TOX3: variants seen among roughly 807,000 people sequenced by gnomAD.
TOX3 encodes TOX high mobility group box family member 3.
Under a neutral mutation model 64.3 loss-of-function variants are expected in TOX3, and 22 were observed. That is an observed-to-expected ratio of 0.34 (90% CI 0.24 to 0.49). TOX3 has a LOEUF of 0.49. TOX3 is among the 20% of genes least tolerant of loss of function. The pLI is 0.99. For missense variants in TOX3, 661 were observed against 714.4 expected, an observed-to-expected ratio of 0.93 and a Z score of 0.85; for synonymous variants, 291 against 273.6, an observed-to-expected ratio of 1.06 and a Z score of -0.63.
chr16:52,515,039 G>A (rs925359631), intron 1 of TOX3, among the ~76,000 whole-genome samples: 119 of 61,052 alleles, frequency 1.9e-3, no homozygotes, highest in Non-Finnish European at 2.4e-3. Context: ...AAAAAAAAAA[G>A]GACCCAAGAG....
rs772527716 is a variant in TOX3 at position 52,439,588 on chromosome 16, C to G, written c.1368G>C (p.Met456Ile). 5.0e-6 allele frequency: 8 copies of G among 1,591,538 alleles called. No homozygotes were observed. Among genetic ancestry groups the G allele is most frequent in the Middle Eastern group, 1.7e-4 (1 of 5,984 alleles). ...QQQQQQQQQQ[M>I]QQMQQQQLQQ... ...GGAGTTGCTGCTGCTGCATCTGTTG[C>G]ATCTGTTGTTGTTGCTGCTGCTGCT... The change falls in exon 7 of 7, where the codon ATG becomes ATC. Residue 456 changes from methionine (M) to isoleucine (I), a missense_variant. Physicochemically the swap from Met to Ile is conservative, Grantham distance 10. Around this residue, in one of 3 missense-constraint regions of TOX3, gnomAD observed 299 missense variants for 292.1 expected, o/e 1.02. Coordinates refer to ENST00000219746, the MANE Select transcript of TOX3 (RefSeq NM_001080430.4).
intron 1 of TOX3, among the ~76,000 whole-genome samples, chr16:52,545,496 A>G (rs902404297): frequency 6.6e-6 from 1 of 152,204 alleles, no homozygotes; most frequent in Non-Finnish European, 1.5e-5. Context: ...TCTAGATGCA[A>G]TTCCTCCTCT....
At chr16:52,539,521 C>T (rs747776914) in intron 1 of TOX3, among the ~76,000 whole-genome samples, 1 of 152,180 alleles carries the variant, frequency 6.6e-6, no homozygotes, top group South Asian at 2.1e-4. Flanking sequence ...TAAATTACTG[C>T]CTCACTGACT....
intron 1 of TOX3, among the ~76,000 whole-genome samples, chr16:52,495,130 G>A (rs1335383288): frequency 6.6e-6 from 1 of 152,078 alleles, no homozygotes; most frequent in Non-Finnish European, 1.5e-5. Context: ...TGCTAAACTT[G>A]CAGAATTGTT....
intron 1 of TOX3, among the ~76,000 whole-genome samples, chr16:52,540,305 G>T (rs533210423): frequency 6.7e-6 from 1 of 150,342 alleles, no homozygotes; most frequent in East Asian, 2.0e-4. Flanking sequence ...TGGGACCACA[G>T]GTATGTGTGC....
intron 4 of TOX3, among the ~76,000 whole-genome samples, chr16:52,449,982 C>T (rs1316598325): frequency 6.6e-6 from 1 of 152,222 alleles, no homozygotes. Context: ...AAATTTGTAG[C>T]AGGGAGTCCA....
chr16:52,486,512 C>T (rs1482598506), intron 1 of TOX3, among the ~76,000 whole-genome samples: 2 of 152,086 alleles, frequency 1.3e-5, no homozygotes, highest in South Asian at 2.1e-4. Context: ...ACAGGACGAA[C>T]ATGCATGTAC....
chr16:52,482,760 C>A (rs1961402476), intron 1 of TOX3, among the ~76,000 whole-genome samples: 1 of 152,152 alleles, frequency 6.6e-6, no homozygotes, highest in Non-Finnish European at 1.5e-5. Flanking sequence ...ACCATACACA[C>A]TGACTCCATT....
At chr16:52,547,659 AC>A (rs1165838456), upstream of TOX3, 3 of 151,944 alleles carry the variant, frequency 2.0e-5, no homozygotes, top group Admixed American at 6.6e-5. Flanking sequence ...CCTAACCCAG[AC>A]GCCAACCTGC....
At chr16:52,537,701 C>T (rs753668863) in intron 1 of TOX3, among the ~76,000 whole-genome samples, 13 of 152,024 alleles carry the variant, frequency 8.6e-5, no homozygotes, top group African/African-American at 2.4e-4. Context: ...GGTATGCCTA[C>T]GTGGCTACGA....
intron 1 of TOX3, among the ~76,000 whole-genome samples, chr16:52,478,864 G>A (rs1397683308): frequency 6.6e-6 from 1 of 152,176 alleles, no homozygotes; most frequent in Non-Finnish European, 1.5e-5. Flanking sequence ...CATACAGAGA[G>A]GCACTTGATA....
chr16:52,540,115 A>G (rs1963043812), intron 1 of TOX3, among the ~76,000 whole-genome samples: 1 of 152,072 alleles, frequency 6.6e-6, no homozygotes, highest in African/African-American at 2.4e-5. Flanking sequence ...GCAGTGGTTC[A>G]CACCTGTAAT....
intron 1 of TOX3, among the ~76,000 whole-genome samples, chr16:52,497,153 A>T (rs763458176): frequency 1.3e-5 from 2 of 152,212 alleles, no homozygotes; most frequent in Admixed American, 6.5e-5. Context: ...AAGGGGAATT[A>T]TTCTGAAAAT....
At chr16:52,493,786 G>C (rs972825302) in intron 1 of TOX3, among the ~76,000 whole-genome samples, 1 of 152,118 alleles carries the variant, frequency 6.6e-6, no homozygotes, top group Non-Finnish European at 1.5e-5. Context: ...TTGGAGGAAA[G>C]GTGGTAATTA....
At chr16:52,503,518 G>A (rs1471564323) in intron 1 of TOX3, among the ~76,000 whole-genome samples, 2 of 152,184 alleles carry the variant, frequency 1.3e-5, no homozygotes, top group Non-Finnish European at 1.5e-5. Flanking sequence ...GCATAAGGAT[G>A]TGAATGAATG....
chr16:52,517,506 C>CTA (rs2151476533), intron 1 of TOX3, among the ~76,000 whole-genome samples: 1 of 151,668 alleles, frequency 6.6e-6, no homozygotes, highest in East Asian at 1.9e-4. Context: ...TCAAGGGTGT[C>CTA]TATAAGTAGG....
upstream of TOX3, among the ~76,000 whole-genome samples, chr16:52,547,166 C>T (rs1963216977): frequency 6.9e-6 from 1 of 144,036 alleles, no homozygotes; most frequent in African/African-American, 2.5e-5. Flanking sequence ...CCCTCCCCTC[C>T]TTCTCCCCCT....
chr16:52,469,841 C>T (rs1179970333), intron 1 of TOX3, among the ~76,000 whole-genome samples: 1 of 152,156 alleles, frequency 6.6e-6, no homozygotes, highest in Non-Finnish European at 1.5e-5. Flanking sequence ...CACCCAGAAG[C>T]AGGATTGACA....
At chr16:52,520,464 G>T (rs996041267) in intron 1 of TOX3, among the ~76,000 whole-genome samples, 5 of 152,172 alleles carry the variant, frequency 3.3e-5, no homozygotes, top group African/African-American at 1.2e-4. Flanking sequence ...ATAGACTCAT[G>T]TTCAATGTCA....
Sources: gnomAD v4.1 joint callset for allele counts (sites outside exome capture counted in the v4.1 genomes callset) on GRCh38, gnomAD v4.1.1 for gene constraint, gnomAD v4.1.1 regional missense constraint, MANE v1.5 for transcripts, NCBI Gene and HGNC (gene_info 2026-07-23, HGNC 2026-07-21) for gene names.